Variants in PREX2 observed in about 807,000 individuals in gnomAD.
PREX2 encodes the protein phosphatidylinositol-3,4,5-trisphosphate dependent Rac exchange factor 2, also known as phosphatidylinositol 3,4,5-trisphosphate-dependent Rac exchanger 2 protein.
A neutral mutation model predicts 203.2 loss-of-function variants in PREX2; 107 were observed. The ratio of observed to expected loss-of-function variants is 0.53; its 90% CI spans 0.45 to 0.62. The LOEUF (loss-of-function observed/expected upper bound fraction) is 0.62. Among genes scored for constraint, PREX2 ranks in the 20% least tolerant of loss-of-function variants. The pLI, the probability that PREX2 is intolerant of heterozygous loss-of-function variation, is 0.00. For missense variants in PREX2, 1,777 were observed against 1,955.9 expected (o/e 0.91, Z 1.72); for synonymous variants, 672 against 663.6 (o/e 1.01, Z -0.19).
At chr8:67,968,187 C>A (rs1322537663) in intron 1 of PREX2, among the ~76,000 whole-genome samples, 1 of 152,050 alleles carries the variant, frequency 6.6e-6, no homozygotes, top group Non-Finnish European at 1.5e-5. Context: ...TGGAAGAGGC[C>A]CCTATGTGGC....
intron 30 of PREX2, among the ~76,000 whole-genome samples, chr8:68,123,784 A>G (rs932712012): frequency 3.0e-5 from 4 of 134,780 alleles, no homozygotes; most frequent in African/African-American, 1.4e-4. Flanking sequence ...CCTGCCAACC[A>G]AAAAAAAAAG....
chr8:68,121,311 G>A (rs1376836087), intron 30 of PREX2, among the ~76,000 whole-genome samples: 2 of 151,714 alleles, frequency 1.3e-5, no homozygotes, highest in East Asian at 1.9e-4. Flanking sequence ...CAAATAGAAC[G>A]TGAAGAGAAT....
chr8:68,080,862 TTAAATTTGTTATCATGACA>T, intron 17 of PREX2, 24 bp downstream of exon 17: 1 of 1,214,282 alleles, frequency 8.2e-7, no homozygotes. Context: ...GCGTTTTAAT[TTAAATTTGTTATCATGACA>T]TAAAAATAGA....
intron 22 of PREX2, 102 bp downstream of exon 22, chr8:68,097,303 C>A: frequency 1.1e-6 from 1 of 879,500 alleles, no homozygotes. Context: ...ATACATGTTG[C>A]AGCTGTCAGC....
chr8:68,038,998 A>G (rs1808114109), intron 7 of PREX2, among the ~76,000 whole-genome samples: 1 of 152,040 alleles, frequency 6.6e-6, no homozygotes, highest in African/African-American at 2.4e-5. Flanking sequence ...CAGGCATTCT[A>G]CTCTGAATAT....
intron 31 of PREX2, among the ~76,000 whole-genome samples, chr8:68,127,667 C>T (rs1230306973): frequency 6.6e-6 from 1 of 151,340 alleles, no homozygotes; most frequent in East Asian, 1.9e-4. Flanking sequence ...ACCATGAAAA[C>T]ATATATGAAT....
chr8:68,062,743 A>AT lies in PREX2; in HGVS notation c.1339+1976dup, dbSNP rs34067943. On this transcript the variant is annotated intron_variant, in intron 11 of 39. Transcript: ENST00000288368. Reference sequence around the variant, plus strand: ...TCCTGTCCTGTGATTCCAATGTCCTATTTTTTTTTTTTACTTTGAAATCTT... The same window carrying AT: ...TCCTGTCCTGTGATTCCAATGTCCTATTTTTTTTTTTTTACTTTGAAATCTT... 1.4e-3 allele frequency among the ~76,000 whole-genome samples: 210 copies of AT among 147,228 alleles called. 1 individual carries two copies. The highest frequency in any genetic ancestry group is 2.3e-3 in the African/African-American group (95 of 40,464).
chr8:68,192,526 G>A lies in PREX2; in HGVS notation c.4604+1G>A. ...TCATGTGCAGCAGCGGTGTGCATCG[G>A]TATGTGACCCTCCCGCCTTGCTTGC... On this transcript the variant is annotated splice_donor_variant, in intron 37 of 39. Transcript: ENST00000288368. LOFTEE classifies it high-confidence loss of function. The A allele has an allele frequency of 6.3e-7, 1 of 1,596,240 alleles. No individual in the cohort carries two copies. The highest frequency in any genetic ancestry group is 1.1e-5 in the South Asian group (1 of 89,384).
chr8:68,191,591 A>G, intron 35 of PREX2, 131 bp from the exon 36 acceptor site: 1 of 638,364 alleles, frequency 1.6e-6, no homozygotes, highest in Non-Finnish European at 2.8e-6. Flanking sequence ...GTGCAACCCC[A>G]ACCTTCTAAT....
chr8:68,007,650 C>T (rs1206041793), intron 1 of PREX2, among the ~76,000 whole-genome samples: 2 of 152,178 alleles, frequency 1.3e-5, no homozygotes, highest in African/African-American at 4.8e-5. Flanking sequence ...CGCTTTGTCG[C>T]CCAGGCTGGA....
chr8:68,097,861 A>T (rs1810131392), intron 22 of PREX2, among the ~76,000 whole-genome samples: 1 of 152,240 alleles, frequency 6.6e-6, no homozygotes, highest in Non-Finnish European at 1.5e-5. Context: ...AATGTACATA[A>T]TCCTCTGAAG....
intron 7 of PREX2, among the ~76,000 whole-genome samples, chr8:68,041,592 CAT>C (rs927468515): frequency 1.1e-4 from 16 of 152,046 alleles, no homozygotes; most frequent in Non-Finnish European, 2.1e-4. Context: ...CTTTTTACCA[CAT>C]GTGAAAATGA....
rs1810204664 is a variant in PREX2 at position 68,099,740 on chromosome 8, A to C, written c.2612A>C (p.Asn871Thr). Residue 871 changes from asparagine (N) to threonine (T), a missense_variant, in exon 23 of 40, where the codon AAT (asparagine) becomes ACT (threonine). Physicochemically the swap from Asn to Thr is moderately conservative, Grantham distance 65 (BLOSUM62 0). Transcript: ENST00000288368. ...EHFVQNCTSLNSLNEVIPTDL... is the reference protein window; with the variant it reads ...EHFVQNCTSLTSLNEVIPTDL... Reference sequence around the variant, plus strand: ...TTTGTACAAAACTGTACCAGCCTAAATTCTCTAAATGAAGTGATTCCTACT... The same window carrying C: ...TTTGTACAAAACTGTACCAGCCTAACTTCTCTAAATGAAGTGATTCCTACT... 6.2e-7 allele frequency: 1 copy of C among 1,613,914 alleles called. No individual in the cohort carries two copies. The highest frequency in any genetic ancestry group is 2.2e-5 in the East Asian group (1 of 44,878).
intron 39 of PREX2, among the ~76,000 whole-genome samples, chr8:68,229,636 CAA>C (rs1563597108): frequency 6.6e-6 from 1 of 152,162 alleles, no homozygotes; most frequent in Non-Finnish European, 1.5e-5. Flanking sequence ...GCAGACATTT[CAA>C]AGACTCGTCT....
chr8:67,991,910 G>T (rs1467255581), intron 1 of PREX2, among the ~76,000 whole-genome samples: 1 of 152,204 alleles, frequency 6.6e-6, no homozygotes, highest in Non-Finnish European at 1.5e-5. Context: ...TTTTAAACAG[G>T]AATCCTTCTC....
chr8:68,191,825 A>T (rs1812300353), intron 36 of PREX2, 37 bp downstream of exon 36: 1 of 1,323,958 alleles, frequency 7.6e-7, no homozygotes, highest in Admixed American at 1.8e-5. Context: ...GTGCTTTTTA[A>T]TTTAAATATC....
At chr8:67,985,027 G>A (rs1370008367) in intron 1 of PREX2, among the ~76,000 whole-genome samples, 2 of 149,204 alleles carry the variant, frequency 1.3e-5, no homozygotes, top group Non-Finnish European at 3.0e-5. Flanking sequence ...CTTGCCTTTT[G>A]TAGCGACTAC....
chr8:68,025,831 A>C (rs1042805845), intron 4 of PREX2, among the ~76,000 whole-genome samples: 28 of 152,080 alleles, frequency 1.8e-4, no homozygotes, highest in African/African-American at 6.3e-4. Context: ...GTGGTAGCCA[A>C]CCTGTGGTAT....
At chr8:68,105,255 C>G (rs755794938) in intron 23 of PREX2, 1 of 1,367,818 alleles carries the variant, frequency 7.3e-7, no homozygotes, top group Non-Finnish European at 9.8e-7. Flanking sequence ...GGAGTTCCTC[C>G]TGCTGCCTCC....
Sources: allele counts gnomAD v4.1 joint callset (sites outside exome capture counted in the v4.1 genomes callset), GRCh38; gene constraint gnomAD v4.1.1; transcripts MANE v1.5; gene names NCBI Gene and HGNC (gene_info 2026-07-23, HGNC 2026-07-21).